CRY2: variants seen among roughly 807,000 people sequenced by gnomAD.
The protein encoded by CRY2 is cryptochrome circadian regulator 2.
Under a neutral mutation model 69.5 loss-of-function variants are expected in CRY2, and 31 were observed. That is an observed-to-expected ratio of 0.45 (90% CI 0.34 to 0.60). The LOEUF (loss-of-function observed/expected upper bound fraction) is 0.60. CRY2 is among the 20% of genes least tolerant of loss of function. CRY2 has a pLI of 0.02. For missense variants in CRY2, 606 were observed against 797.8 expected, an observed-to-expected ratio of 0.76 and a Z score of 2.90; for synonymous variants, 303 against 312.2, an observed-to-expected ratio of 0.97 and a Z score of 0.31.
chr11:45,882,480 G>A lies in CRY2; in HGVS notation c.*1569G>A, dbSNP rs941573464. On this transcript the variant is annotated 3_prime_UTR_variant, in exon 12 of 12. Coordinates refer to ENST00000616080, the MANE Select transcript of CRY2 (RefSeq NM_021117.5). ...TCTGTCCTTGGACCAGAACCCTGGG[G>A]TCAGACCCATCTCCTGTAGCTGTCC... 7.5e-6 allele frequency: 3 copies of A among 397,652 alleles called. No homozygotes were observed. The highest frequency in any genetic ancestry group is 4.4e-5 in the Admixed American group (1 of 22,698). 24.6% of individuals were successfully genotyped at this position (397,652 alleles called of 1,614,324 possible). A position where few individuals can be genotyped will look rare whatever the true frequency, so the allele number is the denominator to read the frequency against.
chr11:45,856,236 C>A, intron 2 of CRY2, 146 bp downstream of exon 2: 1 of 674,318 alleles, frequency 1.5e-6, no homozygotes, highest in Non-Finnish European at 2.5e-6. Flanking sequence ...GGAGCAAAGG[C>A]AGCCAGTTAG....
chr11:45,872,397 G>C (rs1361374694), intron 11 of CRY2, among the ~76,000 whole-genome samples, 164 bp downstream of exon 11: 7 of 151,980 alleles, frequency 4.6e-5, no homozygotes, highest in Non-Finnish European at 1.0e-4. Context: ...TGGCAGCCGG[G>C]TTCCATCCTG....
intron 3 of CRY2, among the ~76,000 whole-genome samples, chr11:45,859,281 A>T (rs2086267381): frequency 6.6e-6 from 1 of 152,054 alleles, no homozygotes; most frequent in African/African-American, 2.4e-5. Flanking sequence ...TGTACCTAAG[A>T]TGAGTTCCTA....
chr11:45,849,277 G>A (rs1388900610), intron 1 of CRY2, among the ~76,000 whole-genome samples: 2 of 152,172 alleles, frequency 1.3e-5, no homozygotes, highest in African/African-American at 4.8e-5. Flanking sequence ...TCAATCTAGT[G>A]AAGAAGAAAA....
At chr11:45,859,811 A>AGCC (rs2086272417) in intron 3 of CRY2, among the ~76,000 whole-genome samples, 1 of 152,152 alleles carries the variant, frequency 6.6e-6, no homozygotes, top group Middle Eastern at 3.4e-3. Context: ...CCAAGCCAGC[A>AGCC]GCCGCCGCCG....
At chr11:45,863,021 A>T (rs2086300565) in intron 5 of CRY2, among the ~76,000 whole-genome samples, 1 of 152,226 alleles carries the variant, frequency 6.6e-6, no homozygotes, top group Non-Finnish European at 1.5e-5. Flanking sequence ...TGACGATAAT[A>T]GAACAAGGAG....
At chr11:45,880,095 G>T (rs1217239828) in intron 11 of CRY2, among the ~76,000 whole-genome samples, 3 of 152,158 alleles carry the variant, frequency 2.0e-5, no homozygotes, top group African/African-American at 7.2e-5. Flanking sequence ...TTTTGTGGGG[G>T]ACAGAATTCA....
intron 11 of CRY2, among the ~76,000 whole-genome samples, chr11:45,874,004 G>A (rs1249077115): frequency 1.3e-5 from 2 of 152,174 alleles, no homozygotes; most frequent in Non-Finnish European, 1.5e-5. Flanking sequence ...AATCTGGGCC[G>A]GGCGCAGTGG....
intron 5 of CRY2, among the ~76,000 whole-genome samples, chr11:45,866,082 A>G (rs2086328570): frequency 6.6e-6 from 1 of 152,242 alleles, no homozygotes; most frequent in African/African-American, 2.4e-5. Flanking sequence ...TGAGGGGACA[A>G]AGGTGATGGC....
In CRY2 at chr11:45,881,924, C is replaced by T. The variant is rs1348169487; in HGVS notation, c.*1013C>T. On this transcript the variant is annotated 3_prime_UTR_variant, in exon 12 of 12. Coordinates refer to ENST00000616080, the MANE Select transcript of CRY2 (RefSeq NM_021117.5). ...GTCTTTATTCTGTTGGCTTCCAGGG[C>T]CTGTCCTGGACTTGTCAGCATCCAG... 1 of 152,268 alleles carries T rather than the reference C, an allele frequency of 6.6e-6. No individual in the cohort carries two copies. The highest frequency in any genetic ancestry group is 1.5e-5 in the Non-Finnish European group (1 of 68,058). The allele number at this position is 152,268 out of a possible 1,614,324, so 9.4% of individuals were successfully genotyped here. A position where few individuals can be genotyped will look rare whatever the true frequency, so the allele number is the denominator to read the frequency against.
chr11:45,849,632 T>C (rs2086179784), intron 1 of CRY2, among the ~76,000 whole-genome samples: 1 of 151,818 alleles, frequency 6.6e-6, no homozygotes, highest in Non-Finnish European at 1.5e-5. Flanking sequence ...ATTTTTTTTT[T>C]TTTTTGAGAC....
chr11:45,856,750 T>C (rs1355789013), intron 2 of CRY2, among the ~76,000 whole-genome samples: 2 of 151,424 alleles, frequency 1.3e-5, no homozygotes, highest in Admixed American at 6.6e-5. Flanking sequence ...GAGCCGAGAT[T>C]GTGCCACTGC....
chr11:45,847,339 A>T, upstream of CRY2: 1 of 1,594,230 alleles, frequency 6.3e-7, no homozygotes, highest in Admixed American at 1.8e-5. Flanking sequence ...GCCAGGTGGA[A>T]GGCACTCAGC....
intron 11 of CRY2, among the ~76,000 whole-genome samples, chr11:45,878,920 TAAA>T (rs57461093): frequency 0.067 from 3,271 of 49,022 alleles, 109 homozygotes; most frequent in African/African-American, 0.15. Flanking sequence ...CTCCATCTAT[TAAA>T]AAAAAAAAAA....
chr11:45,867,165 G>T (rs2086337832), intron 5 of CRY2, among the ~76,000 whole-genome samples: 1 of 152,164 alleles, frequency 6.6e-6, no homozygotes, highest in Non-Finnish European at 1.5e-5. Context: ...GAACAATAAT[G>T]CGAAGTCCCT....
intron 4 of CRY2, chr11:45,861,239 C>T (rs753666451): frequency 1.2e-5 from 7 of 569,766 alleles, no homozygotes; most frequent in Admixed American, 6.2e-5. Context: ...TGTTCATACT[C>T]ATACATGTAA....
Position 45,870,369 on chromosome 11 carries a change from C to A in CRY2, c.1386C>A (p.Tyr462Ter). 6.2e-7 allele frequency: 1 copy of A among 1,614,238 alleles called. No homozygotes were observed. The highest frequency in any genetic ancestry group is 8.5e-7 in the Non-Finnish European group (1 of 1,180,056). The change falls in exon 9 of 12, where the codon TAC (tyrosine) becomes TAA (stop). Residue 462 changes from tyrosine (Y) to a stop codon, truncating the protein, a stop_gained. Transcript: ENST00000616080. LOFTEE classifies it high-confidence loss of function. ...AATTGAAAGCGTTCCCCTCTCGATACATCTATGAGCCCTGGAATGCCCCAG... is the reference window on the plus strand; with the variant it reads ...AATTGAAAGCGTTCCCCTCTCGATAAATCTATGAGCCCTGGAATGCCCCAG... Reference protein sequence around the residue: ...LPKLKAFPSRYIYEPWNAPES... With the variant: ...LPKLKAFPSR
chr11:45,859,328 C>CA (rs1437185879), intron 3 of CRY2, among the ~76,000 whole-genome samples: 1 of 74,276 alleles, frequency 1.3e-5, no homozygotes, highest in East Asian at 2.9e-4. Flanking sequence ...AATCCCAGCA[C>CA]TTTGAGAGGA....
chr11:45,857,558 G>C (rs2086251351), intron 2 of CRY2, among the ~76,000 whole-genome samples: 1 of 152,084 alleles, frequency 6.6e-6, no homozygotes. Context: ...TAGGTATAAG[G>C]GTAATGATGA....
Sources: allele counts gnomAD v4.1 joint callset (sites outside exome capture counted in the v4.1 genomes callset), GRCh38; gene constraint gnomAD v4.1.1; transcripts MANE v1.5; gene names NCBI Gene and HGNC (gene_info 2026-07-23, HGNC 2026-07-21).